The following POLR3B variants were observed in gnomAD, a reference collection of about 807,000 sequenced individuals.
POLR3B encodes DNA-directed RNA polymerase III subunit RPC2.
In POLR3B, 96 loss-of-function variants were observed where a neutral mutation model predicts 147.4. The ratio of observed to expected loss-of-function variants is 0.65; its 90% CI spans 0.55 to 0.77. The LOEUF (loss-of-function observed/expected upper bound fraction) is 0.77. Ranked by LOEUF, POLR3B falls within the 30% of genes least tolerant of loss-of-function variation. POLR3B has a pLI of 0.00. For synonymous variants in POLR3B, 461 were observed against 485.9 expected, an observed-to-expected ratio of 0.95 and a Z score of 0.67; for missense variants, 1,036 against 1,413.5, an observed-to-expected ratio of 0.73 and a Z score of 4.28.
chr12:106,378,370 A>C lies in POLR3B; in HGVS notation c.600A>C (p.Gly200=). 2 of 1,606,554 alleles carry C rather than the reference A, an allele frequency of 1.2e-6. No homozygotes were observed. Among genetic ancestry groups the C allele is most frequent in the Non-Finnish European group, 1.7e-6 (2 of 1,173,064 alleles). Residue 200 remains glycine (G), a synonymous_variant, in exon 8 of 28, where the codon GGA becomes GGC. Transcript: ENST00000228347. ...AGGCTGATAGAAAAGGGGCTGTTGG[A>C]GCTTCAGTTACCAGGTATGGAAAGC... ...IVEADRKGAV[G]ASVTSSTHEK...
intron 25 of POLR3B, among the ~76,000 whole-genome samples, chr12:106,498,783 G>A (rs1391723537): frequency 2.0e-5 from 3 of 152,066 alleles, no homozygotes; most frequent in South Asian, 2.1e-4. Context: ...ACGAGGTTTC[G>A]CCAAGTTGGC....
At chr12:106,479,390 T>A (rs191863817) in intron 23 of POLR3B, among the ~76,000 whole-genome samples, 1 of 150,430 alleles carries the variant, frequency 6.6e-6, no homozygotes, top group East Asian at 1.9e-4. Context: ...CTCTCTCTTT[T>A]TTTTTTTTGA....
chr12:106,491,111 TATA>T (rs950283577), intron 23 of POLR3B, among the ~76,000 whole-genome samples: 2 of 152,220 alleles, frequency 1.3e-5, no homozygotes, highest in Non-Finnish European at 2.9e-5. Context: ...AGGTTTCTTA[TATA>T]ATAATAATTC....
intron 15 of POLR3B, 27 bp downstream of exon 15, chr12:106,432,507 T>G: frequency 6.4e-7 from 1 of 1,574,150 alleles, no homozygotes; most frequent in Non-Finnish European, 8.7e-7. Flanking sequence ...GACATGTTGG[T>G]CCTAGATAGT....
chr12:106,369,753 CA>C, intron 6 of POLR3B, 70 bp downstream of exon 6: 1 of 1,002,014 alleles, frequency 1.0e-6, no homozygotes, highest in African/African-American at 1.6e-5. Flanking sequence ...CCCATTTCCT[CA>C]TCTGAAAAAT....
intron 6 of POLR3B, among the ~76,000 whole-genome samples, chr12:106,371,506 A>G (rs1169321650): frequency 1.2e-4 from 18 of 152,128 alleles, no homozygotes; most frequent in African/African-American, 3.9e-4. Flanking sequence ...TTATTGTGGC[A>G]CTATTTACAA....
At position 106,438,905 on chromosome 12, in the gene POLR3B, A is replaced by G. The variant is rs183148224; in HGVS notation, c.1955+1126A>G. On this transcript the variant is annotated intron_variant, in intron 18 of 27. Transcript: ENST00000228347. ...TCACAATATTTCTTCTTGAACAATG[A>G]TATTTTTAGAAGCATCTGTGTTCCA... 5.6e-4 allele frequency among the ~76,000 whole-genome samples: 85 copies of G among 152,346 alleles called. 1 individual carries two copies. The highest frequency in any genetic ancestry group is 5.4e-3 in the Admixed American group (83 of 15,304).
chr12:106,445,247 C>T (rs2037706591), intron 19 of POLR3B, among the ~76,000 whole-genome samples: 1 of 152,182 alleles, frequency 6.6e-6, no homozygotes, highest in Admixed American at 6.5e-5. Context: ...GCCCTGTGCT[C>T]AGGGAGTTCA....
chr12:106,374,518 GTT>G (rs754932069), intron 6 of POLR3B, among the ~76,000 whole-genome samples: 3 of 143,122 alleles, frequency 2.1e-5, no homozygotes, highest in African/African-American at 2.5e-5. Context: ...TTTGTGGCAT[GTT>G]TTTTTTTTTT....
chr12:106,506,184 C>T (rs1234921052), intron 27 of POLR3B, among the ~76,000 whole-genome samples: 1 of 152,006 alleles, frequency 6.6e-6, no homozygotes, highest in Non-Finnish European at 1.5e-5. Flanking sequence ...ATAGTCTGGG[C>T]TGTGCAACCA....
chr12:106,457,635 A>T (rs991339215), intron 21 of POLR3B, among the ~76,000 whole-genome samples: 15 of 152,182 alleles, frequency 9.9e-5, no homozygotes, highest in Admixed American at 9.2e-4. Flanking sequence ...ACTACTTTAG[A>T]ATTTTATCCC....
intron 23 of POLR3B, among the ~76,000 whole-genome samples, chr12:106,486,039 C>G (rs192808040): frequency 6.6e-6 from 1 of 151,914 alleles, no homozygotes; most frequent in Non-Finnish European, 1.5e-5. Flanking sequence ...CCTGTAATCC[C>G]AGCACTTTGG....
intron 23 of POLR3B, among the ~76,000 whole-genome samples, chr12:106,472,877 A>G (rs1317714341): frequency 1.5e-5 from 2 of 135,666 alleles, no homozygotes; most frequent in Admixed American, 1.4e-4. Context: ...ATGAGATCCC[A>G]TTTGTCAATT....
chr12:106,367,195 T>C (rs980026611), intron 4 of POLR3B, among the ~76,000 whole-genome samples: 2 of 152,256 alleles, frequency 1.3e-5, no homozygotes, highest in African/African-American at 4.8e-5. Context: ...TAATGAGCTA[T>C]GGTTGGGAAA....
Position 106,380,103 on chromosome 12 carries a change from T to C in POLR3B, c.687T>C (p.Thr229=). Residue 229 remains threonine, a synonymous_variant, in exon 9 of 28, where the codon ACT becomes ACC. Transcript: ENST00000228347. ...KQGRFYLRHN[T]LSEDIPIVII... ...GACGATTTTATTTGAGGCATAATAC[T>C]TTGTCAGAAGATATACCCATTGTCA... The C allele has an allele frequency of 2.5e-6, 4 of 1,611,196 alleles. No homozygotes were observed. Among genetic ancestry groups the C allele is most frequent in the Non-Finnish European group, 3.4e-6 (4 of 1,177,572 alleles).
intron 11 of POLR3B, among the ~76,000 whole-genome samples, chr12:106,407,392 C>T (rs2037164620): frequency 6.6e-6 from 1 of 152,122 alleles, no homozygotes; most frequent in Admixed American, 6.5e-5. Flanking sequence ...ATATAATATA[C>T]GTAAAGCTCT....
chr12:106,368,403 A>G (rs1389898607), intron 4 of POLR3B, among the ~76,000 whole-genome samples: 1 of 152,072 alleles, frequency 6.6e-6, no homozygotes, highest in African/African-American at 2.4e-5. Context: ...ATTTTTACAT[A>G]TATTAAAAAC....
chr12:106,414,900 T>G (rs2037280198), intron 12 of POLR3B, among the ~76,000 whole-genome samples: 4 of 152,210 alleles, frequency 2.6e-5, no homozygotes, highest in Admixed American at 2.6e-4. Context: ...ATAGTTTACT[T>G]TAAAGCCCCC....
intron 23 of POLR3B, among the ~76,000 whole-genome samples, chr12:106,477,891 C>T (rs1280708832): frequency 3.8e-4 from 27 of 70,546 alleles, no homozygotes; most frequent in South Asian, 2.8e-3. Flanking sequence ...GGCTCCTCCC[C>T]TTTTTTTTTT....
Sources: allele counts gnomAD v4.1 joint callset (sites outside exome capture counted in the v4.1 genomes callset), GRCh38; gene constraint gnomAD v4.1.1; transcripts MANE v1.5; gene names NCBI Gene and HGNC (gene_info 2026-07-23, HGNC 2026-07-21).